The following AGA variants were observed in gnomAD, a reference collection of about 807,000 sequenced individuals.
AGA encodes the protein aspartylglucosaminidase.
AGA carries 31 observed loss-of-function variants against 40.1 expected under a neutral mutation model. The observed-to-expected ratio is 0.77, with a 90% CI of 0.58 to 1.04. The LOEUF is 1.04. AGA is among the 50% of genes least tolerant of loss of function. The pLI is 0.00. For synonymous variants in AGA, 148 were observed against 144.0 expected (o/e 1.03, Z -0.20); for missense variants, 445 against 435.4 (o/e 1.02, Z -0.20).
intron 8 of AGA, 41 bp downstream of exon 8, chr4:177,433,173 T>A: frequency 6.2e-7 from 1 of 1,613,400 alleles, no homozygotes. Context: ...TTTAGAAATA[T>A]TTGGAAGTTC....
In AGA at chr4:177,431,734, T is replaced by C; in HGVS notation, c.1015A>G (p.Thr339Ala). ...TAGATGCAGTCCACTTTTTCCTCAG[T>C]TGGCTGATTTTTTTCGGAATTATAA... ...MVYNSEKNQPTEEKVDCI is the reference protein window; with the variant it reads ...MVYNSEKNQPAEEKVDCI Residue 339 changes from threonine (T) to alanine (A), a missense_variant, in exon 9 of 9, where the codon ACT becomes GCT. Coordinates refer to ENST00000264595, the MANE Select transcript of AGA (RefSeq NM_000027.4). The C allele has an allele frequency of 6.2e-7, 1 of 1,613,526 alleles. No homozygotes were observed. The highest frequency in any genetic ancestry group is 8.5e-7 in the Non-Finnish European group (1 of 1,179,478).
At chr4:177,438,640 G>A in intron 4 of AGA, 105 bp downstream of exon 4, 1 of 793,048 alleles carries the variant, frequency 1.3e-6, no homozygotes, top group Non-Finnish European at 2.2e-6. Context: ...TGTACAGCCA[G>A]GATGCTAACC....
chr4:177,436,153 T>A, intron 6 of AGA, 123 bp downstream of exon 6: 1 of 816,458 alleles, frequency 1.2e-6, no homozygotes, highest in South Asian at 1.4e-5. Flanking sequence ...CTGCATTTTC[T>A]TTCACACTCA....
chr4:177,442,282 T>G lies in AGA; in HGVS notation c.94A>C (p.Asn32His). The G allele has an allele frequency of 6.2e-7, 1 of 1,614,004 alleles. No homozygotes were observed. The highest frequency in any genetic ancestry group is 8.5e-7 in the Non-Finnish European group (1 of 1,179,926). Residue 32 changes from asparagine (N) to histidine (H), a missense_variant, in exon 1 of 9, where the codon AAC becomes CAC. Physicochemically the swap from Asn to His is moderately conservative, Grantham distance 68. Coordinates refer to ENST00000264595, the MANE Select transcript of AGA (RefSeq NM_000027.4). ...GTTGCATTCTTAAAGGGCCAAGTGTTGACGACCAGGGGCAGAGGGCTGGAG... is the reference window on the plus strand; with the variant it reads ...GTTGCATTCTTAAAGGGCCAAGTGTGGACGACCAGGGGCAGAGGGCTGGAG... The part of the protein sequence containing the change: ...RCSSPLPLVV[N>H]TWPFKNATEA...
rs577874830 is a variant in AGA at position 177,442,427 on chromosome 4, G to A, written c.-52C>T. ...AGAAAAGTCCCGGCAGCCAGCGATC[G>A]CCGAACAATTAATCCCCAGTGCCCC... is the stretch of plus-strand genomic sequence containing the variant. On this transcript the variant is annotated 5_prime_UTR_variant, in exon 1 of 9. Transcript: ENST00000264595. 28 of 1,612,390 alleles carry A rather than the reference G, an allele frequency of 1.7e-5. No individual in the cohort carries two copies. The South Asian group carries it at 2.4e-4, about 14-fold the overall frequency.
intron 3 of AGA, 33 bp downstream of exon 3, chr4:177,439,543 C>T (rs757164884): frequency 6.9e-7 from 1 of 1,453,566 alleles, no homozygotes; most frequent in Non-Finnish European, 9.7e-7. Flanking sequence ...AGTCAAAAGA[C>T]TAGAAAAAAT....
intron 6 of AGA, 37 bp downstream of exon 6, chr4:177,436,239 G>T: frequency 2.0e-6 from 3 of 1,523,518 alleles, no homozygotes; most frequent in Non-Finnish European, 1.8e-6. Flanking sequence ...TGCATTCAGT[G>T]TATATTTGAG....
At position 177,437,886 on chromosome 4, in the gene AGA, A is replaced by G. The variant is rs538070029; in HGVS notation, c.508-367T>C. 6.6e-5 allele frequency among the ~76,000 whole-genome samples: 10 copies of G among 152,264 alleles called. No homozygotes were observed. In the East Asian group the frequency reaches 1.9e-3, roughly 29 times the overall value. ...CACACTGGACCTTTAAATTTCAGAA[A>G]TTTGTTCCTTGGCCAAAGAATTCTG... On this transcript the variant is annotated intron_variant, in intron 4 of 8. Coordinates refer to ENST00000264595, the MANE Select transcript of AGA (RefSeq NM_000027.4).
At chr4:177,442,176 A>AGCGGGGCGG (rs1737048473) in intron 1 of AGA, 73 bp downstream of exon 1, 2 of 1,594,188 alleles carry the variant, frequency 1.3e-6, no homozygotes, top group African/African-American at 2.7e-5. Flanking sequence ...GGGTGACTGC[A>AGCGGGGCGG]GCGGGGCGGG....
chr4:177,440,108 T>C, intron 2 of AGA, 165 bp downstream of exon 2: 1 of 787,880 alleles, frequency 1.3e-6, no homozygotes. Flanking sequence ...TACTCTGATT[T>C]TTTTTTTTCA....
intron 5 of AGA, 103 bp from the exon 6 acceptor site, chr4:177,436,454 G>C: frequency 1.0e-6 from 1 of 953,782 alleles, no homozygotes; most frequent in East Asian, 2.5e-5. Context: ...CTGAATGTTT[G>C]TGTTCCCCCA....
intron 7 of AGA, among the ~76,000 whole-genome samples, chr4:177,433,886 A>G (rs1736709060): frequency 6.6e-6 from 1 of 151,238 alleles, no homozygotes; most frequent in South Asian, 2.1e-4. Context: ...TGATTACTTA[A>G]CTTGAATGAT....
intron 5 of AGA, 64 bp from the exon 6 acceptor site, chr4:177,436,415 A>G: frequency 7.8e-7 from 1 of 1,289,608 alleles, no homozygotes; most frequent in Non-Finnish European, 1.1e-6. Context: ...TAACCAAATA[A>G]TTGAGCAACT....
In AGA at chr4:177,442,386, C is replaced by A. The variant is rs766234282; in HGVS notation, c.-11G>T. 1 of 1,613,880 alleles carries A rather than the reference C, an allele frequency of 6.2e-7. No individual in the cohort carries two copies. Among genetic ancestry groups the A allele is most frequent in the Admixed American group, 1.7e-5 (1 of 60,008 alleles). The stretch of plus-strand genomic sequence containing the variant: ...CGACTTCCGCGCCATCCCTGACCAC[C>A]GAAGAGACCAGCGCGAGAAAAGTCC... On this transcript the variant is annotated 5_prime_UTR_variant, in exon 1 of 9. Transcript: ENST00000264595.
At chr4:177,436,411 A>AGT in intron 5 of AGA, 60 bp from the exon 6 acceptor site, 1 of 1,290,486 alleles carries the variant, frequency 7.7e-7, no homozygotes, top group Non-Finnish European at 1.1e-6. Context: ...AATATAACCA[A>AGT]ATAATTGAGC....
Position 177,440,260 on chromosome 4 carries a change from A to C in AGA, c.281+13T>G, listed in dbSNP as rs34241758. The C allele has an allele frequency of 0.21, 342,514 of 1,612,882 alleles. 37,680 individuals carry two copies. Among genetic ancestry groups the C allele is most frequent in the Middle Eastern group, 0.27 (1,627 of 6,062 alleles). The stretch of plus-strand genomic sequence containing the variant: ...ACTCAACATAATAAATAGGACCTGA[A>C]CGGTGTTCTTACCCATCCATGATCA... On this transcript the variant is annotated intron_variant, in intron 2 of 8. Coordinates refer to ENST00000264595, the MANE Select transcript of AGA (RefSeq NM_000027.4).
chr4:177,431,438 G>T lies in AGA; in HGVS notation c.*270C>A. ...CAAAGTAGCAATTTTTTGCAACACT[G>T]ATCAGAAATCCAAGTGTCACTTAAA... is the stretch of plus-strand genomic sequence containing the variant. On this transcript the variant is annotated 3_prime_UTR_variant, in exon 9 of 9. Transcript: ENST00000264595. 1 of 478,004 alleles carries T rather than the reference G, an allele frequency of 2.1e-6. No individual in the cohort carries two copies. The highest frequency in any genetic ancestry group is 4.9e-5 in the East Asian group (1 of 20,612). 29.6% of individuals were successfully genotyped at this position (478,004 alleles called of 1,614,324 possible).
At chr4:177,441,518 A>G (rs557953497) in intron 1 of AGA, among the ~76,000 whole-genome samples, 1 of 152,286 alleles carries the variant, frequency 6.6e-6, no homozygotes, top group Admixed American at 6.5e-5. Flanking sequence ...GAAGGCAGGA[A>G]CCTAACTCAT....
Sources: allele counts gnomAD v4.1 joint callset (sites outside exome capture counted in the v4.1 genomes callset), GRCh38; gene constraint gnomAD v4.1.1; transcripts MANE v1.5; gene names NCBI Gene and HGNC (gene_info 2026-07-23, HGNC 2026-07-21).